CAMK2D: variants seen among roughly 807,000 people sequenced by gnomAD.
The protein encoded by CAMK2D is calcium/calmodulin-dependent protein kinase type II subunit delta.
In CAMK2D, 37 loss-of-function variants were observed where a neutral mutation model predicts 84.0. The observed-to-expected ratio is 0.44, with a 90% CI of 0.34 to 0.58. The LOEUF (loss-of-function observed/expected upper bound fraction) is 0.58. CAMK2D is among the 20% of genes least tolerant of loss of function. The pLI is 0.02. For synonymous variants in CAMK2D, 202 were observed against 212.5 expected (o/e 0.95, Z 0.43); for missense variants, 448 against 652.5 (o/e 0.69, Z 3.41).
intron 2 of CAMK2D, among the ~76,000 whole-genome samples, chr4:113,703,209 G>A (rs887646396): frequency 9.2e-5 from 14 of 152,156 alleles, no homozygotes; most frequent in African/African-American, 2.7e-4. Context: ...TCAAGTAGTC[G>A]AGGGTTCAGT....
Position 113,502,969 on chromosome 4 carries a change from T to C in CAMK2D, c.1053A>G (p.Gln351=), listed in dbSNP as rs756107293. Residue 351 remains glutamine (Q), a synonymous_variant, in exon 15 of 21, where the codon CAA becomes CAG. Coordinates refer to ENST00000511664, the MANE Select transcript of CAMK2D (RefSeq NM_001321571.2). ...CATCAGGGTTGTGGATTACAGTAGT[T>C]TGGGGCTCCTGAGTGAGAACAAAAT... is the stretch of plus-strand genomic sequence containing the variant. ...ENIPTPALEP[Q]TTVIHNPDGN... 10 of 1,606,280 alleles carry C rather than the reference T, an allele frequency of 6.2e-6. No homozygotes were observed. The Admixed American group carries it at 6.7e-5, about 11-fold the overall frequency.
intron 2 of CAMK2D, chr4:113,753,766 T>C: frequency 1.0e-6 from 1 of 972,706 alleles, no homozygotes; most frequent in Non-Finnish European, 1.2e-6. Context: ...CCCCAAATCA[T>C]TTATTTAGAC....
intron 16 of CAMK2D, among the ~76,000 whole-genome samples, chr4:113,491,941 A>G (rs1472819993): frequency 6.6e-6 from 1 of 152,130 alleles, no homozygotes; most frequent in African/African-American, 2.4e-5. Context: ...AGCTGTTTGT[A>G]GTATTCTCTG....
chr4:113,663,357 G>A (rs561759026), intron 2 of CAMK2D, among the ~76,000 whole-genome samples: 73 of 152,174 alleles, frequency 4.8e-4, no homozygotes, highest in African/African-American at 1.4e-3. Context: ...AGGCTGAGGC[G>A]GGTGGATTGC....
chr4:113,706,309 T>C (rs149510880), intron 2 of CAMK2D, among the ~76,000 whole-genome samples: 1 of 152,312 alleles, frequency 6.6e-6, no homozygotes, highest in African/African-American at 2.4e-5. Context: ...TATAAATGTG[T>C]AACACTGTAA....
intron 20 of CAMK2D, among the ~76,000 whole-genome samples, chr4:113,455,345 C>T (rs187378154): frequency 1.3e-5 from 2 of 152,110 alleles, no homozygotes; most frequent in Non-Finnish European, 2.9e-5. Context: ...AGAACTGCAA[C>T]CTCTTGAAAG....
intron 18 of CAMK2D, among the ~76,000 whole-genome samples, chr4:113,459,104 T>C (rs987533173): frequency 2.6e-5 from 4 of 152,250 alleles, no homozygotes; most frequent in Non-Finnish European, 5.9e-5. Context: ...ATTACTCACC[T>C]TCATTTTCAT....
intron 3 of CAMK2D, among the ~76,000 whole-genome samples, chr4:113,613,982 T>C (rs965828556): frequency 6.6e-6 from 1 of 152,080 alleles, no homozygotes; most frequent in East Asian, 1.9e-4. Flanking sequence ...GTAGAAACTG[T>C]GTCAACAGTG....
At chr4:113,666,306 G>T (rs1030587207) in intron 2 of CAMK2D, among the ~76,000 whole-genome samples, 1 of 152,086 alleles carries the variant, frequency 6.6e-6, no homozygotes, top group African/African-American at 2.4e-5. Flanking sequence ...ACCTTGTTGG[G>T]GGGTTGGGGG....
In CAMK2D at chr4:113,455,751, G is replaced by C. The variant is rs1279821631; in HGVS notation, c.*4C>G. 3.7e-6 allele frequency: 6 copies of C among 1,609,480 alleles called. No individual in the cohort carries two copies. Among genetic ancestry groups the C allele is most frequent in the South Asian group, 2.2e-5 (2 of 90,912 alleles). ...AAGACCCATATGTGAATGGTTTTCAGGCCTTAGATGTTTTGCCACAAAGAG... is the reference window on the plus strand; with the variant it reads ...AAGACCCATATGTGAATGGTTTTCACGCCTTAGATGTTTTGCCACAAAGAG... On this transcript the variant is annotated 3_prime_UTR_variant, in exon 20 of 21. Coordinates refer to ENST00000511664, the MANE Select transcript of CAMK2D (RefSeq NM_001321571.2).
chr4:113,634,100 T>A (rs559283106), intron 3 of CAMK2D, among the ~76,000 whole-genome samples: 1 of 152,340 alleles, frequency 6.6e-6, no homozygotes, highest in South Asian at 2.1e-4. Flanking sequence ...TGTAGTACAG[T>A]CCCACAAAAC....
chr4:113,716,263 T>C (rs2099513056), intron 2 of CAMK2D, among the ~76,000 whole-genome samples: 3 of 152,084 alleles, frequency 2.0e-5, no homozygotes, highest in Admixed American at 2.0e-4. Context: ...AAAAGACAAA[T>C]GTCAAGAGCC....
chr4:113,761,414 A>G lies in CAMK2D; in HGVS notation c.-346T>C. 1 of 1,222,114 alleles carries G rather than the reference A, an allele frequency of 8.2e-7. No homozygotes were observed. The highest frequency in any genetic ancestry group is 1.8e-5 in the South Asian group (1 of 56,748). The allele number at this position is 1,222,114 out of a possible 1,614,324, so 75.7% of individuals were successfully genotyped here. Reference sequence around the variant, plus strand: ...GAAGAGGGGGCCGGGAAATGGAAAAACAGCCAGGCACGGGACGAGTGGCAA... The same window carrying G: ...GAAGAGGGGGCCGGGAAATGGAAAAGCAGCCAGGCACGGGACGAGTGGCAA... On this transcript the variant is annotated 5_prime_UTR_variant, in exon 1 of 21. Transcript: ENST00000511664.
At chr4:113,752,934 A>G (rs1164013229) in intron 2 of CAMK2D, among the ~76,000 whole-genome samples, 1 of 152,086 alleles carries the variant, frequency 6.6e-6, no homozygotes, top group Non-Finnish European at 1.5e-5. Context: ...GATAAAATGT[A>G]AGGCATAGTG....
At chr4:113,745,536 G>A (rs201855879) in intron 2 of CAMK2D, among the ~76,000 whole-genome samples, 1 of 152,204 alleles carries the variant, frequency 6.6e-6, no homozygotes, top group East Asian at 1.9e-4. Flanking sequence ...GTCCCCCACA[G>A]CTTACTTTCG....
intron 4 of CAMK2D, among the ~76,000 whole-genome samples, chr4:113,560,136 C>T (rs538766385): frequency 2.0e-5 from 3 of 152,172 alleles, no homozygotes; most frequent in South Asian, 2.1e-4. Flanking sequence ...AGGCTACAGT[C>T]GGCTGAAAGC....
At chr4:113,483,559 C>T (rs28391275) in intron 16 of CAMK2D, among the ~76,000 whole-genome samples, 50,876 of 151,734 alleles carry the variant, frequency 0.34, 8,828 homozygotes, top group Middle Eastern at 0.4. Context: ...GCATGCACCA[C>T]CACACCCGGC....
At chr4:113,535,342 C>T (rs552925375) in intron 7 of CAMK2D, among the ~76,000 whole-genome samples, 2 of 152,104 alleles carry the variant, frequency 1.3e-5, no homozygotes, top group Non-Finnish European at 2.9e-5. Context: ...AACTTGCTTG[C>T]TCCTACACCC....
intron 2 of CAMK2D, among the ~76,000 whole-genome samples, chr4:113,693,359 A>AT (rs561907214): frequency 2.8e-4 from 42 of 150,150 alleles, no homozygotes; most frequent in African/African-American, 7.6e-4. Context: ...ATGCTAACAG[A>AT]TTTTTTTTTT....
Sources: gnomAD v4.1 joint callset for allele counts (sites outside exome capture counted in the v4.1 genomes callset) on GRCh38, gnomAD v4.1.1 for gene constraint, MANE v1.5 for transcripts, NCBI Gene and HGNC (gene_info 2026-07-23, HGNC 2026-07-21) for gene names.